FLT1: variants seen among roughly 807,000 people sequenced by gnomAD.
FLT1 encodes vascular endothelial growth factor receptor 1.
Under a neutral mutation model 156.3 loss-of-function variants are expected in FLT1, and 49 were observed. The observed-to-expected ratio is 0.31, with a 90% CI of 0.25 to 0.40. FLT1 has a LOEUF of 0.40. Ranked by LOEUF, FLT1 falls within the 10% of genes least tolerant of loss-of-function variation. FLT1 has a pLI of 1.00. For missense variants in FLT1, 1,322 were observed against 1,637.2 expected (o/e 0.81, Z 3.32); for synonymous variants, 594 against 583.8 (o/e 1.02, Z -0.25).
intron 1 of FLT1, among the ~76,000 whole-genome samples, chr13:28,473,675 G>GAAAGAA (rs1566050046): frequency 1.7e-5 from 2 of 115,480 alleles, no homozygotes; most frequent in African/African-American, 8.5e-5. Context: ...GAAAGAAAGA[G>GAAAGAA]AGAGAGAGAG....
rs2138859377 is a variant in FLT1 at position 28,345,520 on chromosome 13, G to A, written c.2280C>T (p.Ile760=). The A allele has an allele frequency of 6.2e-7, 1 of 1,612,360 alleles. No homozygotes were observed. The highest frequency in any genetic ancestry group is 8.5e-7 in the Non-Finnish European group (1 of 1,178,828). The change falls in exon 16 of 30, where the codon ATC becomes ATT. Residue 760 remains isoleucine, a synonymous_variant. Transcript: ENST00000282397. ...CAGCCACACAGGTGCATGTTAGAGT[G>A]ATCAGCTCCAGATTAGACTTGTCCG... The part of the protein sequence containing the change: ...GTSDKSNLEL[I]TLTCTCVAAT...
intron 13 of FLT1, chr13:28,388,316 A>C (rs1463678235): frequency 1.9e-6 from 2 of 1,058,378 alleles, no homozygotes; most frequent in Non-Finnish European, 2.3e-6. Flanking sequence ...AGACAAGTTT[A>C]GCCGTGGGAC....
chr13:28,437,883 C>T (rs1160422952), intron 4 of FLT1, among the ~76,000 whole-genome samples: 2 of 152,244 alleles, frequency 1.3e-5, no homozygotes, highest in East Asian at 3.8e-4. Flanking sequence ...GGATAATCCA[C>T]TCTCTGCAAA....
rs1304516773 is a variant in FLT1, at chr13:28,309,953, G to A, written c.3636-1026C>T. Among the ~76,000 whole-genome samples the A allele has an allele frequency of 3.1e-5, 4 of 128,220 alleles. No homozygotes were observed. In the Admixed American group the frequency reaches 3.2e-4, roughly 10 times the overall value. 84.1% of individuals were successfully genotyped at this position (128,220 alleles called of 152,430 possible). A position where few individuals can be genotyped will look rare whatever the true frequency, so the allele number is the denominator to read the frequency against. On this transcript the variant is annotated intron_variant, in intron 27 of 29. Transcript: ENST00000282397. ...CACCCAGGCTGGAGTGCAGTGGCAC[G>A]ATCTCGGCTCACTGAAACCTCCGCC...
intron 6 of FLT1, among the ~76,000 whole-genome samples, chr13:28,433,188 A>C (rs1325215124): frequency 6.6e-6 from 1 of 152,238 alleles, no homozygotes; most frequent in Non-Finnish European, 1.5e-5. Flanking sequence ...AATTTCCGTA[A>C]CAGTTTATCA....
At chr13:28,485,758 A>C (rs1020421584) in intron 1 of FLT1, among the ~76,000 whole-genome samples, 1 of 152,180 alleles carries the variant, frequency 6.6e-6, no homozygotes, top group Non-Finnish European at 1.5e-5. Flanking sequence ...AAGCCTCAAT[A>C]TGCCTTGCAG....
chr13:28,419,555 A>G (rs1339629192), intron 10 of FLT1, among the ~76,000 whole-genome samples: 1 of 152,226 alleles, frequency 6.6e-6, no homozygotes, highest in Non-Finnish European at 1.5e-5. Context: ...CTGAGAAGCT[A>G]CACTGAATCT....
intron 13 of FLT1, chr13:28,388,290 GCAA>G: frequency 1.9e-6 from 2 of 1,057,296 alleles, no homozygotes; most frequent in Non-Finnish European, 2.3e-6. Flanking sequence ...TTTGACAAAA[GCAA>G]TTCCCACGTG....
At chr13:28,387,970 G>A in intron 13 of FLT1, 2 of 1,061,220 alleles carry the variant, frequency 1.9e-6, no homozygotes, top group Non-Finnish European at 2.3e-6. Context: ...GAAGGAAATG[G>A]TAGGTTCTGC....
In FLT1 at chr13:28,319,459, A is replaced by C; in HGVS notation, c.3250T>G (p.Ser1084Ala). Residue 1084 changes from serine to alanine, a missense_variant, in exon 24 of 30, where the codon TCT (serine) becomes GCT (alanine). Physicochemically the swap from Ser to Ala is moderately conservative, Grantham distance 99. This residue lies in a region of FLT1 where 329 missense variants were observed against 366.2 expected (regional missense o/e 0.90). Coordinates refer to ENST00000282397, the MANE Select transcript of FLT1 (RefSeq NM_002019.4). ...ATTTCCCACAGCAATACTCCGTAAG[A>C]CCACACGTCGCTCTTGGTGCTGTAG... ...KIYSTKSDVW[S>A]YGVLLWEIFS... The C allele has an allele frequency of 6.2e-7, 1 of 1,613,674 alleles. No individual in the cohort carries two copies. The highest frequency in any genetic ancestry group is 8.5e-7 in the Non-Finnish European group (1 of 1,179,708).
At chr13:28,318,652 A>G (rs959393076) in intron 24 of FLT1, among the ~76,000 whole-genome samples, 1 of 152,116 alleles carries the variant, frequency 6.6e-6, no homozygotes, top group African/African-American at 2.4e-5. Context: ...CATCGAAAGC[A>G]GGGGAATGAT....
At chr13:28,463,960 T>C (rs910678448) in intron 3 of FLT1, among the ~76,000 whole-genome samples, 12 of 152,068 alleles carry the variant, frequency 7.9e-5, no homozygotes, top group Admixed American at 1.3e-4. Flanking sequence ...GATGTTACTG[T>C]TCATAGTAGT....
In FLT1 at chr13:28,322,925, G is replaced by A. The variant is rs372346426; in HGVS notation, c.2818C>T (p.Pro940Ser). 8 of 1,613,862 alleles carry A rather than the reference G, an allele frequency of 5.0e-6. No homozygotes were observed. Among genetic ancestry groups the A allele is most frequent in the Admixed American group, 1.7e-5 (1 of 59,986 alleles). ...LNKDAALHME[P>S]KKEKMEPGLE... The stretch of plus-strand genomic sequence containing the variant: ...CCTGGCTCCATTTTTTCTTTCTTAG[G>A]CTCCATGTGTAGTGCTGCATCCTTT... The change falls in exon 21 of 30, where the codon CCT becomes TCT. Residue 940 changes from proline (P) to serine (S), a missense_variant. By Grantham distance (74) the Pro-to-Ser change is moderately conservative. Coordinates refer to ENST00000282397, the MANE Select transcript of FLT1 (RefSeq NM_002019.4). This position sits in a 1 kb window ranked among gnomAD's most constrained non-coding sequence, Gnocchi z 4.3.
chr13:28,412,853 C>T (rs897955880), intron 10 of FLT1, among the ~76,000 whole-genome samples: 3 of 151,702 alleles, frequency 2.0e-5, no homozygotes, highest in South Asian at 2.1e-4. Flanking sequence ...AGAGCCACCA[C>T]GGCCGGCCAC....
chr13:28,372,019 G>GGTGTGT (rs142534765), intron 14 of FLT1, among the ~76,000 whole-genome samples: 1,481 of 24,506 alleles, frequency 0.06, 154 homozygotes, highest in Middle Eastern at 0.089. Context: ...ATAAATCATT[G>GGTGTGT]GTGTGTGTGT....
chr13:28,463,764 AAT>A (rs1310795886), intron 3 of FLT1, among the ~76,000 whole-genome samples: 1 of 152,224 alleles, frequency 6.6e-6, no homozygotes, highest in Non-Finnish European at 1.5e-5. Flanking sequence ...GTTCGGTAAC[AAT>A]GGAAGCAGAA....
rs1566050094 is a variant in FLT1 at position 28,473,691 on chromosome 13, G to GAAAGAAA, written c.65-6075_65-6074insTTTCTTT. 1.7e-4 allele frequency among the ~76,000 whole-genome samples: 22 copies of GAAAGAAA among 127,316 alleles called. 1 individual carries two copies. Among genetic ancestry groups the GAAAGAAA allele is most frequent in the East Asian group, 1.2e-3 (5 of 4,310 alleles). The allele number at this position is 127,316 out of a possible 152,430, so 83.5% of individuals were successfully genotyped here. The stretch of plus-strand genomic sequence containing the variant: ...AAAGAAAGAGAGAGAGAGAGAGAGA[G>GAAAGAAA]AGAAAGAAAAGAAAGAAAGAAAGAA... On this transcript the variant is annotated intron_variant, in intron 1 of 29. Transcript: ENST00000282397.
At chr13:28,453,474 A>G (rs2137592360) in intron 3 of FLT1, among the ~76,000 whole-genome samples, 1 of 152,274 alleles carries the variant, frequency 6.6e-6, no homozygotes, top group East Asian at 1.9e-4. Context: ...TTCTCTTGGT[A>G]AATATGGAGT....
chr13:28,492,980 G>T (rs1331739373), intron 1 of FLT1, among the ~76,000 whole-genome samples: 4 of 151,650 alleles, frequency 2.6e-5, no homozygotes, highest in Non-Finnish European at 5.9e-5. Flanking sequence ...TTGCAAAACT[G>T]CTGCCCCATT....
Sources: allele counts gnomAD v4.1 joint callset (sites outside exome capture counted in the v4.1 genomes callset), GRCh38; gene constraint gnomAD v4.1.1; regional missense constraint gnomAD v4.1.1; non-coding constraint Gnocchi (gnomAD v3.1); transcripts MANE v1.5; gene names NCBI Gene and HGNC (gene_info 2026-07-23, HGNC 2026-07-21).